The following C8orf34 variants were observed in gnomAD, a reference collection of about 807,000 sequenced individuals.
C8orf34 encodes the protein chromosome 8 open reading frame 34.
A neutral mutation model predicts 68.3 loss-of-function variants in C8orf34; 65 were observed. The observed-to-expected ratio is 0.95, with a 90% CI of 0.78 to 1.17. The LOEUF (loss-of-function observed/expected upper bound fraction) is 1.17, where lower values mean the gene tolerates loss of function less well. C8orf34 is among the 50% of genes most tolerant of loss of function. The pLI is 0.00. For missense variants in C8orf34, 664 were observed against 655.4 expected, an observed-to-expected ratio of 1.01 and a Z score of -0.14; for synonymous variants, 244 against 241.2, an observed-to-expected ratio of 1.01 and a Z score of -0.11.
intron 12 of C8orf34, among the ~76,000 whole-genome samples, chr8:68,806,793 C>T (rs1824501086): frequency 6.6e-6 from 1 of 152,124 alleles, no homozygotes; most frequent in South Asian, 2.1e-4. Flanking sequence ...CTATTGCTGC[C>T]TAACAAATCA....
Position 68,569,597 on chromosome 8 carries a change from G to T in C8orf34, c.1105+36448G>T, listed in dbSNP as rs150719190. Among the ~76,000 whole-genome samples, 364 of 152,276 alleles carry T rather than the reference G, an allele frequency of 2.4e-3. 2 individuals carry two copies. Among genetic ancestry groups the T allele is most frequent in the African/African-American group, 8.4e-3 (349 of 41,556 alleles). On this transcript the variant is annotated intron_variant, in intron 7 of 13. Transcript: ENST00000518698. Reference sequence around the variant, plus strand: ...ACCTCCCAGCCTAAACATGACTACTGCTTCATATCCTCTTCCCAAATCACC... The same window carrying T: ...ACCTCCCAGCCTAAACATGACTACTTCTTCATATCCTCTTCCCAAATCACC...
intron 12 of C8orf34, among the ~76,000 whole-genome samples, chr8:68,814,486 C>A (rs1824748951): frequency 6.6e-6 from 1 of 152,196 alleles, no homozygotes; most frequent in African/African-American, 2.4e-5. Context: ...TCACCAAGTT[C>A]TCCAGCTGTA....
At chr8:68,367,916 A>G (rs1585998125) in intron 1 of C8orf34, among the ~76,000 whole-genome samples, 2 of 50,994 alleles carry the variant, frequency 3.9e-5, no homozygotes, top group East Asian at 7.7e-4. Flanking sequence ...AGAAAAGAAA[A>G]AAAAAAAAAA....
At chr8:68,548,277 C>T (rs921814958) in intron 7 of C8orf34, among the ~76,000 whole-genome samples, 1 of 151,524 alleles carries the variant, frequency 6.6e-6, no homozygotes, top group Non-Finnish European at 1.5e-5. Context: ...AAAATATATA[C>T]AACATATTAA....
intron 3 of C8orf34, among the ~76,000 whole-genome samples, chr8:68,460,453 C>T (rs547235653): frequency 6.2e-4 from 94 of 152,292 alleles, no homozygotes; most frequent in Non-Finnish European, 9.9e-4. Context: ...TCTCCCAGCA[C>T]GCAGCTGGAG....
At chr8:68,465,563 A>G (rs994735216) in intron 3 of C8orf34, among the ~76,000 whole-genome samples, 5 of 152,186 alleles carry the variant, frequency 3.3e-5, no homozygotes, top group Non-Finnish European at 7.3e-5. Flanking sequence ...AATGTCCAAC[A>G]ATGATAGACT....
chr8:68,775,069 G>GGA (rs1823474416), intron 10 of C8orf34, among the ~76,000 whole-genome samples: 1 of 113,704 alleles, frequency 8.8e-6, no homozygotes, highest in Non-Finnish European at 1.9e-5. Flanking sequence ...AGTAAGCCCA[G>GGA]GAAAAAAAAA....
intron 10 of C8orf34, among the ~76,000 whole-genome samples, chr8:68,730,697 T>G (rs992781120): frequency 6.6e-6 from 1 of 152,140 alleles, no homozygotes; most frequent in African/African-American, 2.4e-5. Context: ...TTACTGTTTC[T>G]CCATTAATAA....
chr8:68,603,401 A>G (rs1817756715), intron 7 of C8orf34, among the ~76,000 whole-genome samples: 1 of 152,090 alleles, frequency 6.6e-6, no homozygotes, highest in South Asian at 2.1e-4. Flanking sequence ...TATTCATAAT[A>G]TCTTCATTTA....
intron 1 of C8orf34, among the ~76,000 whole-genome samples, chr8:68,413,220 C>A (rs909533756): frequency 6.6e-6 from 1 of 152,120 alleles, no homozygotes; most frequent in Non-Finnish European, 1.5e-5. Context: ...TTCTCAAAAC[C>A]CCCAGTCCTC....
chr8:68,615,214 A>G (rs1342114462), intron 7 of C8orf34, among the ~76,000 whole-genome samples: 1 of 151,224 alleles, frequency 6.6e-6, no homozygotes, highest in African/African-American at 2.4e-5. Flanking sequence ...TTTTCTAGAT[A>G]TACAATCATG....
chr8:68,498,936 A>T lies in C8orf34; in HGVS notation c.765+10885A>T, dbSNP rs1024850356. On this transcript the variant is annotated intron_variant, in intron 5 of 13. Coordinates refer to ENST00000518698, the MANE Select transcript of C8orf34 (RefSeq NM_052958.4). ...AGTTGAGTCTGGAATATCTTTTTTT[A>T]AAAATCACTTCAGGGGGTACATGTG... Among the ~76,000 whole-genome samples the T allele has an allele frequency of 5.4e-4, 82 of 152,254 alleles. 1 individual carries two copies. Among genetic ancestry groups the T allele is most frequent in the Non-Finnish European group, 3.2e-4 (22 of 68,004 alleles).
chr8:68,461,777 A>T (rs1027471713), intron 3 of C8orf34, among the ~76,000 whole-genome samples: 1 of 152,188 alleles, frequency 6.6e-6, no homozygotes, highest in Non-Finnish European at 1.5e-5. Flanking sequence ...GCCCTACAAG[A>T]GCTCCTGAAG....
chr8:68,783,333 C>T (rs1025483680), intron 11 of C8orf34, among the ~76,000 whole-genome samples: 1 of 151,942 alleles, frequency 6.6e-6, no homozygotes. Flanking sequence ...GCCTGGCCAA[C>T]ATGGTGAAAC....
At chr8:68,502,299 A>C (rs547342742) in intron 5 of C8orf34, among the ~76,000 whole-genome samples, 1 of 152,296 alleles carries the variant, frequency 6.6e-6, no homozygotes, top group East Asian at 1.9e-4. Context: ...TTCCCTTAGA[A>C]TAATGGTTGA....
At chr8:68,617,567 A>T (rs1818262598) in intron 7 of C8orf34, among the ~76,000 whole-genome samples, 1 of 152,180 alleles carries the variant, frequency 6.6e-6, no homozygotes, top group Non-Finnish European at 1.5e-5. Context: ...TGGATATGAA[A>T]TTCTGGGTTG....
intron 8 of C8orf34, among the ~76,000 whole-genome samples, chr8:68,684,307 A>C (rs562636564): frequency 6.6e-6 from 1 of 152,264 alleles, no homozygotes; most frequent in African/African-American, 2.4e-5. Flanking sequence ...GAAGAAAACG[A>C]GACAGGACCT....
rs183601421 is a variant in C8orf34 at position 68,417,401 on chromosome 8, A to G, written c.328-22098A>G. Among the ~76,000 whole-genome samples, 208 of 152,208 alleles carry G rather than the reference A, an allele frequency of 1.4e-3. 5 individuals are homozygous for G. In the East Asian group the frequency reaches 0.022, roughly 16 times the overall value. ...CTGATAGACACTAATTTTAGTGTCT[A>G]TCAGTCAGACTGATTAAATAAACTT... is the stretch of plus-strand genomic sequence containing the variant. On this transcript the variant is annotated intron_variant, in intron 1 of 13. Coordinates refer to ENST00000518698, the MANE Select transcript of C8orf34 (RefSeq NM_052958.4).
chr8:68,716,480 T>G (rs1427363086), intron 9 of C8orf34, among the ~76,000 whole-genome samples: 1 of 152,026 alleles, frequency 6.6e-6, no homozygotes, highest in Non-Finnish European at 1.5e-5. Flanking sequence ...GTAACAAGTA[T>G]GAATATACAT....
Sources: allele counts gnomAD v4.1 joint callset (sites outside exome capture counted in the v4.1 genomes callset), GRCh38; gene constraint gnomAD v4.1.1; transcripts MANE v1.5; gene names NCBI Gene and HGNC (gene_info 2026-07-23, HGNC 2026-07-21).